The following SLC35F4 variants were observed in gnomAD, a reference collection of about 807,000 sequenced individuals.
SLC35F4 encodes chromosome 14 open reading frame 36.
In SLC35F4, 24 loss-of-function variants were observed where a neutral mutation model predicts 44.2. The ratio of observed to expected loss-of-function variants is 0.54; its 90% CI spans 0.39 to 0.76. SLC35F4 has a LOEUF of 0.76. Among genes scored for constraint, SLC35F4 ranks in the 30% least tolerant of loss-of-function variants. SLC35F4 has a pLI of 0.00. For missense variants in SLC35F4, 562 were observed against 586.1 expected (o/e 0.96, Z 0.42); for synonymous variants, 238 against 223.6 (o/e 1.06, Z -0.57).
intron 1 of SLC35F4, among the ~76,000 whole-genome samples, chr14:57,681,249 C>G (rs1164292162): frequency 6.6e-6 from 1 of 151,984 alleles, no homozygotes; most frequent in Non-Finnish European, 1.5e-5. Flanking sequence ...TTTGACAAAC[C>G]TGATGAAAAC....
intron 1 of SLC35F4, among the ~76,000 whole-genome samples, chr14:57,981,088 C>T (rs922357668): frequency 6.6e-6 from 1 of 152,198 alleles, no homozygotes; most frequent in African/African-American, 2.4e-5. Context: ...TCTGAGCTCC[C>T]TTCCCACACT....
intron 3 of SLC35F4, among the ~76,000 whole-genome samples, chr14:57,588,277 G>A (rs1179947785): frequency 6.6e-6 from 1 of 152,160 alleles, no homozygotes; most frequent in African/African-American, 2.4e-5. Flanking sequence ...GGCAACCCCT[G>A]CAAGACAAAT....
intron 1 of SLC35F4, among the ~76,000 whole-genome samples, chr14:57,948,586 A>G (rs975229471): frequency 6.8e-6 from 1 of 147,626 alleles, no homozygotes; most frequent in Non-Finnish European, 1.5e-5. Flanking sequence ...TTTGGGTTTG[A>G]TTTGTTCTTG....
At chr14:57,773,813 C>T (rs1006204196) in intron 1 of SLC35F4, among the ~76,000 whole-genome samples, 2 of 152,128 alleles carry the variant, frequency 1.3e-5, no homozygotes, top group Non-Finnish European at 2.9e-5. Context: ...AATAGAATCC[C>T]TCAGAAGTTC....
chr14:57,770,229 G>A (rs879079061), intron 1 of SLC35F4, among the ~76,000 whole-genome samples: 13 of 152,172 alleles, frequency 8.5e-5, no homozygotes, highest in East Asian at 1.9e-4. Context: ...GAGAAGCACC[G>A]AGGTCACGGG....
At chr14:57,732,721 A>C (rs1005817688) in intron 1 of SLC35F4, among the ~76,000 whole-genome samples, 8 of 152,190 alleles carry the variant, frequency 5.3e-5, no homozygotes, top group African/African-American at 1.9e-4. Flanking sequence ...GAGTTATGGG[A>C]ATGCAATAAG....
intron 1 of SLC35F4, among the ~76,000 whole-genome samples, chr14:57,953,759 G>A (rs1417317261): frequency 6.6e-6 from 1 of 152,136 alleles, no homozygotes; most frequent in South Asian, 2.1e-4. Flanking sequence ...CAATACAGGA[G>A]CACCCAGATT....
chr14:57,722,069 G>C (rs1166902455), intron 1 of SLC35F4, among the ~76,000 whole-genome samples: 1 of 152,146 alleles, frequency 6.6e-6, no homozygotes, highest in African/African-American at 2.4e-5. Flanking sequence ...AGAACTGCTT[G>C]AGTTTTCTAA....
chr14:57,966,874 G>C (rs1353333357), intron 1 of SLC35F4, among the ~76,000 whole-genome samples: 1 of 152,122 alleles, frequency 6.6e-6, no homozygotes, highest in Non-Finnish European at 1.5e-5. Context: ...GCCGGGCATG[G>C]TGGCACATGC....
intron 1 of SLC35F4, among the ~76,000 whole-genome samples, chr14:57,684,979 T>C (rs1336830663): frequency 6.6e-6 from 1 of 152,206 alleles, no homozygotes; most frequent in South Asian, 2.1e-4. Context: ...TTTTGAGCTA[T>C]GGGTCTTAAG....
intron 1 of SLC35F4, among the ~76,000 whole-genome samples, chr14:57,607,445 T>C (rs2071227768): frequency 6.6e-6 from 1 of 152,200 alleles, no homozygotes; most frequent in African/African-American, 2.4e-5. Context: ...ATCAGTTTGT[T>C]TTCACAATTG....
chr14:57,742,718 C>T (rs1056870527), intron 1 of SLC35F4, among the ~76,000 whole-genome samples: 9 of 152,250 alleles, frequency 5.9e-5, no homozygotes, highest in South Asian at 2.1e-4. Flanking sequence ...CTGGACCAAG[C>T]GGACCTAATA....
At chr14:57,564,643 T>C (rs1410605408) in intron 7 of SLC35F4, among the ~76,000 whole-genome samples, 3 of 152,218 alleles carry the variant, frequency 2.0e-5, no homozygotes, top group Non-Finnish European at 4.4e-5. Flanking sequence ...TTTACCCCTT[T>C]AACCTTCTCC....
intron 1 of SLC35F4, among the ~76,000 whole-genome samples, chr14:57,705,695 C>T (rs1262857966): frequency 6.6e-6 from 1 of 152,172 alleles, no homozygotes; most frequent in Non-Finnish European, 1.5e-5. Flanking sequence ...CACTTTTCCA[C>T]TGTGATTAGA....
chr14:57,974,560 A>T (rs765592696), downstream of SLC35F4, among the ~76,000 whole-genome samples: 1 of 152,190 alleles, frequency 6.6e-6, no homozygotes, highest in Admixed American at 6.5e-5. Flanking sequence ...TCCAAGGGAA[A>T]GATAAATGAG....
intron 1 of SLC35F4, among the ~76,000 whole-genome samples, chr14:57,771,525 C>A (rs139980624): frequency 2.1e-4 from 32 of 152,216 alleles, no homozygotes; most frequent in African/African-American, 7.2e-4. Context: ...GAATCTGCTA[C>A]AAATTGTTTT....
At chr14:57,922,636 A>G (rs1889464347) in intron 1 of SLC35F4, among the ~76,000 whole-genome samples, 1 of 152,148 alleles carries the variant, frequency 6.6e-6, no homozygotes, top group African/African-American at 2.4e-5. Context: ...GTTCTGTTGG[A>G]TAGATGACAG....
intron 1 of SLC35F4, among the ~76,000 whole-genome samples, chr14:57,645,412 GCTCT>G (rs1194490955): frequency 3.9e-5 from 6 of 151,976 alleles, no homozygotes; most frequent in Non-Finnish European, 5.9e-5. Flanking sequence ...TCATGATTTG[GCTCT>G]CTGTTTGTCT....
intron 1 of SLC35F4, among the ~76,000 whole-genome samples, chr14:57,893,716 T>C (rs570998227): frequency 9.8e-4 from 149 of 152,276 alleles, no homozygotes; most frequent in Non-Finnish European, 1.7e-3. Flanking sequence ...GCTTTAAAGT[T>C]TCAATCCCAA....
Sources: gnomAD v4.1 joint callset for allele counts (sites outside exome capture counted in the v4.1 genomes callset) on GRCh38, gnomAD v4.1.1 for gene constraint, MANE v1.5 for transcripts, NCBI Gene and HGNC (gene_info 2026-07-23, HGNC 2026-07-21) for gene names.